PIEZO2: variants seen among roughly 807,000 people sequenced by gnomAD.
The protein encoded by PIEZO2 is piezo type mechanosensitive ion channel component 2.
In PIEZO2, 172 loss-of-function variants were observed where a neutral mutation model predicts 337.3. That is an observed-to-expected ratio of 0.51 (90% CI 0.45 to 0.58). The LOEUF is 0.58. Among genes scored for constraint, PIEZO2 ranks in the 20% least tolerant of loss-of-function variants. The pLI, the probability that PIEZO2 is intolerant of heterozygous loss-of-function variation, is 0.00. For missense variants in PIEZO2, 3,028 were observed against 3,391.3 expected, an observed-to-expected ratio of 0.89 and a Z score of 2.66; for synonymous variants, 1,251 against 1,228.5, an observed-to-expected ratio of 1.02 and a Z score of -0.38.
chr18:10,793,227 C>T (rs992800312), intron 13 of PIEZO2, among the ~76,000 whole-genome samples: 1 of 152,002 alleles, frequency 6.6e-6, no homozygotes, highest in Non-Finnish European at 1.5e-5. Context: ...CCACTGCCCT[C>T]CAGCCTGGGA....
intron 3 of PIEZO2, among the ~76,000 whole-genome samples, chr18:10,912,276 C>T (rs996977376): frequency 6.6e-6 from 1 of 152,098 alleles, no homozygotes; most frequent in African/African-American, 2.4e-5. Flanking sequence ...TAGGAAAAAC[C>T]TTTTTAATAA....
At chr18:10,695,314 C>T (rs769233991) in intron 47 of PIEZO2, among the ~76,000 whole-genome samples, 4 of 152,068 alleles carry the variant, frequency 2.6e-5, no homozygotes, top group Non-Finnish European at 2.9e-5. Flanking sequence ...GAGAAGAAGG[C>T]TGGGAGGGAG....
chr18:11,075,501 G>A (rs531135266), intron 1 of PIEZO2, among the ~76,000 whole-genome samples: 186 of 152,160 alleles, frequency 1.2e-3, no homozygotes, highest in Non-Finnish European at 2.3e-3. Flanking sequence ...CTCAAACAGC[G>A]ATGCTTTAGA....
chr18:10,984,210 C>T (rs2034783117), intron 2 of PIEZO2, among the ~76,000 whole-genome samples: 1 of 151,606 alleles, frequency 6.6e-6, no homozygotes, highest in Admixed American at 6.6e-5. Flanking sequence ...ATGACATCAC[C>T]AAAGGAACAA....
At chr18:11,030,566 G>A (rs529065779) in intron 2 of PIEZO2, among the ~76,000 whole-genome samples, 2 of 152,284 alleles carry the variant, frequency 1.3e-5, no homozygotes, top group South Asian at 4.1e-4. Flanking sequence ...TGATGTTGCT[G>A]TCAAGTTTTA....
chr18:10,693,050 C>G (rs538411731), intron 47 of PIEZO2, among the ~76,000 whole-genome samples: 1 of 152,198 alleles, frequency 6.6e-6, no homozygotes, highest in Admixed American at 6.5e-5. Flanking sequence ...TTTAATTTCT[C>G]TCAGCCATGC....
Position 10,724,583 on chromosome 18 carries a change from G to T in PIEZO2, c.5030-6324C>A. ...CCAGAAGTCGACAGTGTGGGGAGTTGGAGTGACCCAGCTGGATGTGACCCC... is the reference window on the plus strand; with the variant it reads ...CCAGAAGTCGACAGTGTGGGGAGTTTGAGTGACCCAGCTGGATGTGACCCC... On this transcript the variant is annotated intron_variant, in intron 36 of 55. Transcript: ENST00000674853. The surrounding 1 kb of genome is among the most constrained non-coding windows in gnomAD (Gnocchi z 5.8). The T allele has an allele frequency of 1.7e-6, 1 of 591,830 alleles. No homozygotes were observed. The highest frequency in any genetic ancestry group is 3.1e-6 in the Non-Finnish European group (1 of 325,756). The allele number at this position is 591,830 out of a possible 1,614,324, so 36.7% of individuals were successfully genotyped here.
intron 4 of PIEZO2, among the ~76,000 whole-genome samples, chr18:10,902,200 C>A (rs1432601784): frequency 3.3e-5 from 5 of 152,206 alleles, no homozygotes; most frequent in African/African-American, 1.2e-4. Flanking sequence ...ACCATCCCTA[C>A]CCCTACCCCC....
chr18:10,906,107 C>A (rs1222906536), intron 4 of PIEZO2, among the ~76,000 whole-genome samples: 2 of 152,006 alleles, frequency 1.3e-5, no homozygotes, highest in African/African-American at 4.8e-5. Context: ...CAGAGCTAGG[C>A]CTTTTGAATT....
Position 10,940,195 on chromosome 18 carries a change from A to C in PIEZO2, c.287-28967T>G, listed in dbSNP as rs2032651154. 1.3e-5 allele frequency among the ~76,000 whole-genome samples: 2 copies of C among 152,328 alleles called. No homozygotes were observed. Among genetic ancestry groups the C allele is most frequent in the Admixed American group, 1.3e-4 (2 of 15,300 alleles). On this transcript the variant is annotated intron_variant, in intron 3 of 55. Transcript: ENST00000674853. This position sits in a 1 kb window ranked among gnomAD's most constrained non-coding sequence, Gnocchi z 5.3. ...TTGTTATTTATTAAAATAAATGTTA[A>C]AGTGAGTGTTCATTGGTGATTGCTG...
At chr18:10,747,250 G>A (rs934168177) in intron 30 of PIEZO2, among the ~76,000 whole-genome samples, 5 of 152,146 alleles carry the variant, frequency 3.3e-5, no homozygotes, top group Non-Finnish European at 5.9e-5. Flanking sequence ...GGCAAAGAAA[G>A]AGGTTGCAAA....
intron 2 of PIEZO2, among the ~76,000 whole-genome samples, chr18:10,985,401 T>C (rs1466151539): frequency 6.6e-6 from 1 of 152,046 alleles, no homozygotes; most frequent in Non-Finnish European, 1.5e-5. Context: ...CAGATTGTTT[T>C]GTGTGATCCA....
At chr18:10,934,103 A>T (rs2032239477) in intron 3 of PIEZO2, among the ~76,000 whole-genome samples, 1 of 152,256 alleles carries the variant, frequency 6.6e-6, no homozygotes. Flanking sequence ...ATTTTTCAAT[A>T]CTGGAAACAA....
chr18:11,065,987 G>T, intron 2 of PIEZO2, 140 bp downstream of exon 2: 1 of 638,484 alleles, frequency 1.6e-6, no homozygotes, highest in Non-Finnish European at 2.7e-6. Context: ...TTCTTAAAAT[G>T]TTTGACACCC....
intron 7 of PIEZO2, among the ~76,000 whole-genome samples, chr18:10,844,296 TGTA>T (rs1323284854): frequency 2.6e-5 from 4 of 151,940 alleles, no homozygotes; most frequent in Admixed American, 6.6e-5. Context: ...GATACATGCC[TGTA>T]GTCCCAGCTA....
rs1242852064 is a variant in PIEZO2, at chr18:10,748,676, T to C, written c.4265-46A>G. ...CACACATTAAAATTAACATCCATTTTCATTGTAATTTTATAAAATCTGAGG... is the reference window on the plus strand; with the variant it reads ...CACACATTAAAATTAACATCCATTTCCATTGTAATTTTATAAAATCTGAGG... On this transcript the variant is annotated intron_variant, in intron 29 of 55. Transcript: ENST00000674853. This position sits in a 1 kb window ranked among gnomAD's most constrained non-coding sequence, Gnocchi z 5.1. The C allele has an allele frequency of 7.2e-7, 1 of 1,389,352 alleles. No individual in the cohort carries two copies. Among genetic ancestry groups the C allele is most frequent in the East Asian group, 2.7e-5 (1 of 37,002 alleles). The allele number at this position is 1,389,352 out of a possible 1,614,324, so 86.1% of individuals were successfully genotyped here. A position where few individuals can be genotyped will look rare whatever the true frequency, so the allele number is the denominator to read the frequency against.
intron 26 of PIEZO2, 136 bp from the exon 27 acceptor site, chr18:10,758,270 T>A: frequency 9.4e-7 from 1 of 1,064,026 alleles, no homozygotes; most frequent in Non-Finnish European, 1.3e-6. Flanking sequence ...ATAGTAAAAT[T>A]CATCCTGGAG....
At chr18:11,133,729 G>A (rs1252302953) in intron 1 of PIEZO2, among the ~76,000 whole-genome samples, 1 of 151,894 alleles carries the variant, frequency 6.6e-6, no homozygotes, top group Non-Finnish European at 1.5e-5. Flanking sequence ...CTGCTCCTCA[G>A]CTTGCGGACA....
In PIEZO2 at chr18:10,789,364, A is replaced by G; in HGVS notation, c.1884T>C (p.Asp628=). The G allele has an allele frequency of 6.5e-7, 1 of 1,533,870 alleles. No individual in the cohort carries two copies. Among genetic ancestry groups the G allele is most frequent in the Middle Eastern group, 1.7e-4 (1 of 5,980 alleles). The change falls in exon 15 of 56, where the codon GAT becomes GAC. Residue 628 remains aspartate (D), a splice_region_variant and synonymous_variant. Coordinates refer to ENST00000674853, the MANE Select transcript of PIEZO2 (RefSeq NM_001378183.1). ...KIGSQENEEK[D]EELQDIQVEG... ...CCACTTGTATATCTTGAAGTTCCTC[A>G]TCTTCAAATAGAAAACTGTGCTGTT...
Sources: gnomAD v4.1 joint callset for allele counts (sites outside exome capture counted in the v4.1 genomes callset) on GRCh38, gnomAD v4.1.1 for gene constraint, Gnocchi (gnomAD v3.1) non-coding constraint, MANE v1.5 for transcripts, NCBI Gene and HGNC (gene_info 2026-07-23, HGNC 2026-07-21) for gene names.